Variants in CERS3 observed in about 807,000 individuals in gnomAD.
The protein encoded by CERS3 is ceramide synthase 3, also known as LAG1 homolog, ceramide synthase 3.
In CERS3, 33 loss-of-function variants were observed where a neutral mutation model predicts 50.3. The ratio of observed to expected loss-of-function variants is 0.66; its 90% CI spans 0.50 to 0.88. CERS3 has a LOEUF of 0.88. Among genes scored for constraint, CERS3 ranks in the 40% least tolerant of loss-of-function variants. The pLI, the probability that CERS3 is intolerant of heterozygous loss-of-function variation, is 0.00. For synonymous variants in CERS3, 176 were observed against 155.2 expected, an observed-to-expected ratio of 1.13 and a Z score of -0.99; for missense variants, 470 against 460.3, an observed-to-expected ratio of 1.02 and a Z score of -0.19.
At chr15:100,503,809 G>A (rs1409051515) in intron 2 of CERS3, 1 of 464,950 alleles carries the variant, frequency 2.2e-6, no homozygotes, top group East Asian at 7.0e-5. Flanking sequence ...CAGAGAGAAG[G>A]TTTGGCCAGA....
intron 10 of CERS3, among the ~76,000 whole-genome samples, chr15:100,456,801 G>C (rs1478340247): frequency 2.0e-5 from 3 of 152,144 alleles, no homozygotes; most frequent in Non-Finnish European, 4.4e-5. Flanking sequence ...GCAAAAATTA[G>C]CTGGGTGTGG....
chr15:100,434,142 C>T (rs867121511), intron 11 of CERS3, among the ~76,000 whole-genome samples: 1 of 152,230 alleles, frequency 6.6e-6, no homozygotes, highest in East Asian at 1.9e-4. Context: ...CAGGCTCAGA[C>T]TGAAGACGTC....
upstream of CERS3, among the ~76,000 whole-genome samples, chr15:100,530,053 C>A (rs983552653): frequency 1.2e-4 from 18 of 152,202 alleles, no homozygotes; most frequent in African/African-American, 4.3e-4. Context: ...CCCGGTCTGC[C>A]TTTCTCTTCG....
intron 4 of CERS3, among the ~76,000 whole-genome samples, chr15:100,489,307 G>C (rs906918412): frequency 2.6e-5 from 4 of 152,146 alleles, no homozygotes; most frequent in African/African-American, 7.2e-5. Flanking sequence ...TTAGCCGAAC[G>C]ACCACTCATT....
At chr15:100,510,432 CA>C (rs1043362746) in intron 2 of CERS3, among the ~76,000 whole-genome samples, 20 of 150,412 alleles carry the variant, frequency 1.3e-4, no homozygotes, top group Non-Finnish European at 1.9e-4. Context: ...AATAGAGTTT[CA>C]AAAAAAAAGA....
intron 2 of CERS3, among the ~76,000 whole-genome samples, chr15:100,502,269 A>AGAG (rs2036034158): frequency 7.0e-6 from 1 of 143,816 alleles, no homozygotes; most frequent in South Asian, 2.1e-4. Flanking sequence ...AAAAAAAAAA[A>AGAG]AGAAAGAAAG....
chr15:100,416,801 A>C (rs1012828883), intron 11 of CERS3, among the ~76,000 whole-genome samples: 2 of 152,174 alleles, frequency 1.3e-5, no homozygotes, highest in African/African-American at 4.8e-5. Context: ...ATGAGATTTG[A>C]GTGAAGACAC....
rs1249119852 is a variant in CERS3 at position 100,463,552 on chromosome 15, T to C, written c.845+5826A>G. Reference sequence around the variant, plus strand: ...TCTATGGTTTGAAGAGGGGTGATTGTTGTAGCTGTTCTTCGTGAACTCAAA... The same window carrying C: ...TCTATGGTTTGAAGAGGGGTGATTGCTGTAGCTGTTCTTCGTGAACTCAAA... On this transcript the variant is annotated intron_variant, in intron 10 of 11. Transcript: ENST00000679737. Among the ~76,000 whole-genome samples, 3 of 152,208 alleles carry C rather than the reference T, an allele frequency of 2.0e-5. No homozygotes were observed. In the East Asian group the frequency reaches 5.8e-4, roughly 29 times the overall value.
intron 1 of CERS3, among the ~76,000 whole-genome samples, chr15:100,540,239 G>C (rs1249853730): frequency 6.6e-6 from 1 of 152,134 alleles, no homozygotes; most frequent in Non-Finnish European, 1.5e-5. Context: ...CTGGGAAACT[G>C]CTTCTCAGAT....
At chr15:100,427,122 C>G (rs534159108) in intron 11 of CERS3, among the ~76,000 whole-genome samples, 1 of 152,244 alleles carries the variant, frequency 6.6e-6, no homozygotes, top group Non-Finnish European at 1.5e-5. Flanking sequence ...GTGTGCCCCA[C>G]TGGCTGGCCC....
chr15:100,404,529 A>G (rs1307422469), intron 11 of CERS3, among the ~76,000 whole-genome samples: 3 of 152,226 alleles, frequency 2.0e-5, no homozygotes, highest in Non-Finnish European at 4.4e-5. Flanking sequence ...GACTGAACAT[A>G]ATGAAAGTAT....
intron 8 of CERS3, among the ~76,000 whole-genome samples, chr15:100,475,525 G>C (rs570423523): frequency 6.6e-6 from 1 of 152,130 alleles, no homozygotes; most frequent in Non-Finnish European, 1.5e-5. Context: ...TAGTAATTAG[G>C]AATCAGTAAC....
At chr15:100,525,817 G>A (rs1428290263) in intron 1 of CERS3, among the ~76,000 whole-genome samples, 1 of 152,174 alleles carries the variant, frequency 6.6e-6, no homozygotes, top group Admixed American at 6.5e-5. Context: ...CTTGATTGTT[G>A]CACAGGACTT....
chr15:100,456,968 T>C (rs1420200063), intron 10 of CERS3, among the ~76,000 whole-genome samples: 2 of 151,422 alleles, frequency 1.3e-5, no homozygotes, highest in African/African-American at 4.8e-5. Flanking sequence ...AAAGATATTA[T>C]TGCCATATGA....
upstream of CERS3, among the ~76,000 whole-genome samples, chr15:100,529,848 G>C (rs745826367): frequency 3.3e-5 from 5 of 152,160 alleles, no homozygotes; most frequent in Non-Finnish European, 7.3e-5. Flanking sequence ...TTCAACTGCT[G>C]AAAGACATTT....
intron 11 of CERS3, among the ~76,000 whole-genome samples, chr15:100,418,379 G>T (rs1207512133): frequency 2.6e-5 from 4 of 151,212 alleles, no homozygotes; most frequent in African/African-American, 9.7e-5. Context: ...GAAGTTTAGA[G>T]AAAAAAGAAT....
At chr15:100,413,731 T>C (rs2031670355) in intron 11 of CERS3, among the ~76,000 whole-genome samples, 2 of 148,592 alleles carry the variant, frequency 1.3e-5, no homozygotes, top group South Asian at 2.1e-4. Flanking sequence ...GTTGGCAGCA[T>C]CTAGTAAATT....
upstream of CERS3, among the ~76,000 whole-genome samples, chr15:100,530,323 A>C (rs78317511): frequency 1.4e-3 from 217 of 152,252 alleles, 6 homozygotes; most frequent in East Asian, 0.04. Context: ...TACCTATAGG[A>C]TCAAGACCAG....
At chr15:100,414,033 C>A (rs1210508648) in intron 11 of CERS3, among the ~76,000 whole-genome samples, 1 of 152,100 alleles carries the variant, frequency 6.6e-6, no homozygotes, top group Non-Finnish European at 1.5e-5. Context: ...GAGCTGGTAC[C>A]AATCCTACTG....
Sources: gnomAD v4.1 joint callset for allele counts (sites outside exome capture counted in the v4.1 genomes callset) on GRCh38, gnomAD v4.1.1 for gene constraint, MANE v1.5 for transcripts, NCBI Gene and HGNC (gene_info 2026-07-23, HGNC 2026-07-21) for gene names.